Variants in MYL12A observed in about 807,000 individuals in gnomAD.
MYL12A encodes myosin light chain 12A.
A neutral mutation model predicts 13.3 loss-of-function variants in MYL12A; 11 were observed. The ratio of observed to expected loss-of-function variants is 0.83; its 90% CI spans 0.52 to 1.37. The LOEUF (loss-of-function observed/expected upper bound fraction) is 1.37, where lower values mean the gene tolerates loss of function less well. Ranked by LOEUF, MYL12A falls within the 40% of genes most tolerant of loss-of-function variation. The pLI, the probability that MYL12A is intolerant of heterozygous loss-of-function variation, is 0.00. For synonymous variants in MYL12A, 51 were observed against 69.9 expected, an observed-to-expected ratio of 0.73 and a Z score of 1.35; for missense variants, 146 against 212.3, an observed-to-expected ratio of 0.69 and a Z score of 1.94.
intron 2 of MYL12A, 119 bp downstream of exon 2, chr18:3,253,547 A>C: frequency 1.6e-6 from 2 of 1,236,698 alleles, no homozygotes; most frequent in South Asian, 3.1e-5. Flanking sequence ...AGGTTTGAGT[A>C]AAGTGTGGAA....
rs748662254 is a variant in MYL12A, at chr18:3,253,315, C to T, written c.68C>T (p.Ala23Val). 1 of 1,614,060 alleles carries T rather than the reference C, an allele frequency of 6.2e-7. No individual in the cohort carries two copies. The highest frequency in any genetic ancestry group is 1.1e-5 in the South Asian group (1 of 91,072). ...CAGCGTGCAACATCCAATGTGTTTG[C>T]TATGTTTGACCAGTCACAGATTCAG... Reference protein sequence around the residue: ...RPQRATSNVFAMFDQSQIQEF... With the variant: ...RPQRATSNVFVMFDQSQIQEF... The change falls in exon 2 of 4, where the codon GCT (alanine) becomes GTT (valine). Residue 23 changes from alanine to valine, a missense_variant. Physicochemically the swap from Ala to Val is moderately conservative, Grantham distance 64. Transcript: ENST00000217652.
chr18:3,255,502 AAG>A, intron 3 of MYL12A: 1 of 395,000 alleles, frequency 2.5e-6, no homozygotes, highest in Non-Finnish European at 4.5e-6. Flanking sequence ...AAGAGATCAG[AAG>A]CTGAATGTGG....
At position 3,253,386 on chromosome 18, in the gene MYL12A, T is replaced by G; in HGVS notation, c.139T>G (p.Phe47Val). Residue 47 changes from phenylalanine (F) to valine (V), a missense_variant, in exon 2 of 4, where the codon TTC becomes GTC. By Grantham distance (50) the Phe-to-Val change is conservative. Transcript: ENST00000217652. ...CATGATTGATCAGAACAGAGATGGT[T>G]TCATCGACAAGGAAGATTTGCATGA... ...FNMIDQNRDG[F>V]IDKEDLHDML... The G allele has an allele frequency of 6.2e-7, 1 of 1,613,764 alleles. No individual in the cohort carries two copies. The highest frequency in any genetic ancestry group is 8.5e-7 in the Non-Finnish European group (1 of 1,179,728).
At position 3,255,872 on chromosome 18, in the gene MYL12A, A is replaced by C; in HGVS notation, c.470A>C (p.Glu157Ala). ...AAAAAGGGGAATTTCAATTACATCG[A>C]GTTCACACGCATCCTGAAACATGGA... ...IDKKGNFNYI[E>A]FTRILKHGAK... Residue 157 changes from glutamate to alanine, a missense_variant, in exon 4 of 4, where the codon GAG becomes GCG. Transcript: ENST00000217652. 1.2e-6 allele frequency: 2 copies of C among 1,614,124 alleles called. No homozygotes were observed. The highest frequency in any genetic ancestry group is 8.5e-7 in the Non-Finnish European group (1 of 1,180,006).
intron 1 of MYL12A, 111 bp from the exon 2 acceptor site, chr18:3,253,122 A>C: frequency 8.3e-7 from 1 of 1,207,048 alleles, no homozygotes; most frequent in East Asian, 2.4e-5. Context: ...GAGTAGCTCA[A>C]ACATATCAGG....
intron 1 of MYL12A, 52 bp from the exon 2 acceptor site, chr18:3,253,181 A>G: frequency 6.5e-7 from 1 of 1,530,102 alleles, no homozygotes; most frequent in Non-Finnish European, 8.9e-7. Flanking sequence ...ATTCAAACTT[A>G]AGTAATCTTA....
chr18:3,256,020 GTATT>G lies in MYL12A; in HGVS notation c.*107_*110del. On this transcript the variant is annotated 3_prime_UTR_variant, in exon 4 of 4. Coordinates refer to ENST00000217652, the MANE Select transcript of MYL12A (RefSeq NM_006471.4). ...CTTTACAGCTTTTGCATTTCCTGTT[GTATT>G]TATTCTCAGCCATTTTGGGCATATG... 3 of 1,442,456 alleles carry G rather than the reference GTATT, an allele frequency of 2.1e-6. No homozygotes were observed. The highest frequency in any genetic ancestry group is 2.8e-6 in the Non-Finnish European group (3 of 1,067,642). The allele number at this position is 1,442,456 out of a possible 1,614,324, so 89.4% of individuals were successfully genotyped here. A position where few individuals can be genotyped will look rare whatever the true frequency, so the allele number is the denominator to read the frequency against.
At chr18:3,252,456 A>G in intron 1 of MYL12A, 1 of 1,293,284 alleles carries the variant, frequency 7.7e-7, no homozygotes, top group Non-Finnish European at 1.0e-6. Flanking sequence ...TTTAATTTTA[A>G]CTTAAATTTT....
chr18:3,252,428 GTAT>G, intron 1 of MYL12A: 1 of 1,367,074 alleles, frequency 7.3e-7, no homozygotes, highest in Non-Finnish European at 9.7e-7. Context: ...TTTATTTTAG[GTAT>G]TATTAGACAT....
intron 1 of MYL12A, chr18:3,252,247 AT>A: frequency 7.9e-7 from 1 of 1,260,876 alleles, no homozygotes; most frequent in Non-Finnish European, 1.1e-6. Flanking sequence ...GCTTGGAAGA[AT>A]ATAACTCAAT....
chr18:3,252,918 G>A (rs550480502), intron 1 of MYL12A, among the ~76,000 whole-genome samples: 1 of 152,160 alleles, frequency 6.6e-6, no homozygotes, highest in Non-Finnish European at 1.5e-5. Flanking sequence ...TACTGAAGAT[G>A]AATTAGTATC....
At chr18:3,250,604 A>G (rs1325542503) in intron 1 of MYL12A, among the ~76,000 whole-genome samples, 3 of 152,218 alleles carry the variant, frequency 2.0e-5, no homozygotes, top group Non-Finnish European at 4.4e-5. Context: ...TTGAAAAAGT[A>G]AAGGCCTAGG....
chr18:3,252,953 G>A (rs1270378674), intron 1 of MYL12A, among the ~76,000 whole-genome samples: 3 of 152,176 alleles, frequency 2.0e-5, no homozygotes, highest in Non-Finnish European at 4.4e-5. Context: ...TACTGCTGAA[G>A]TATAGAACTT....
intron 1 of MYL12A, chr18:3,249,514 T>C (rs1402528574): frequency 6.6e-6 from 1 of 152,234 alleles, no homozygotes; most frequent in Admixed American, 6.5e-5. Context: ...GCATCTGAAA[T>C]CCTCATATTT....
intron 1 of MYL12A, among the ~76,000 whole-genome samples, chr18:3,250,456 T>G (rs1174101294): frequency 2.0e-5 from 3 of 152,184 alleles, no homozygotes; most frequent in Non-Finnish European, 4.4e-5. Context: ...CACCATTATT[T>G]ATTCTCCCCA....
intron 1 of MYL12A, among the ~76,000 whole-genome samples, chr18:3,250,812 C>T (rs527681866): frequency 5.9e-5 from 9 of 152,174 alleles, no homozygotes; most frequent in Non-Finnish European, 1.3e-4. Context: ...GAACTCACAG[C>T]ATTTGATAAT....
At chr18:3,252,398 T>G in intron 1 of MYL12A, 4 of 1,464,958 alleles carry the variant, frequency 2.7e-6, no homozygotes, top group South Asian at 2.6e-5. Flanking sequence ...TTTAACAGAT[T>G]GAGTATTGAA....
intron 3 of MYL12A, among the ~76,000 whole-genome samples, chr18:3,255,125 A>G (rs1040361421): frequency 6.6e-6 from 1 of 152,226 alleles, no homozygotes; most frequent in Non-Finnish European, 1.5e-5. Flanking sequence ...CCTGCCACAT[A>G]GTTAGTGCTC....
rs2081535369 is a variant in MYL12A, at chr18:3,256,082, C to G, written c.*164C>G. 7 of 826,466 alleles carry G rather than the reference C, an allele frequency of 8.5e-6. No individual in the cohort carries two copies. The highest frequency in any genetic ancestry group is 1.7e-5 in the African/African-American group (1 of 57,560). The allele number at this position is 826,466 out of a possible 1,614,324, so 51.2% of individuals were successfully genotyped here. A position where few individuals can be genotyped will look rare whatever the true frequency, so the allele number is the denominator to read the frequency against. The stretch of plus-strand genomic sequence containing the variant: ...ATAATCAGACTGGAAACGGGACTTT[C>G]TATTAATATCATTTTCAGAATAAAA... On this transcript the variant is annotated 3_prime_UTR_variant, in exon 4 of 4. Transcript: ENST00000217652.
Sources: gnomAD v4.1 joint callset for allele counts (sites outside exome capture counted in the v4.1 genomes callset) on GRCh38, gnomAD v4.1.1 for gene constraint, MANE v1.5 for transcripts, NCBI Gene and HGNC (gene_info 2026-07-23, HGNC 2026-07-21) for gene names.